ITGB8: variants seen among roughly 807,000 people sequenced by gnomAD.
ITGB8 encodes integrin beta-8.
In ITGB8, 30 loss-of-function variants were observed where a neutral mutation model predicts 89.5. The observed-to-expected ratio is 0.34, with a 90% CI of 0.25 to 0.45. The LOEUF (loss-of-function observed/expected upper bound fraction) is 0.45, where lower values mean the gene tolerates loss of function less well. ITGB8 is among the 20% of genes least tolerant of loss of function. The pLI is 1.00. For missense variants in ITGB8, 836 were observed against 933.3 expected (o/e 0.90, Z 1.36); for synonymous variants, 335 against 320.4 (o/e 1.05, Z -0.49).
At chr7:20,380,568 T>G in intron 4 of ITGB8, 98 bp from the exon 5 acceptor site, 1 of 944,428 alleles carries the variant, frequency 1.1e-6, no homozygotes, top group South Asian at 1.5e-5. Context: ...ACAAAAGAAG[T>G]ACTCCCTTTT....
intron 3 of ITGB8, among the ~76,000 whole-genome samples, chr7:20,373,478 G>A (rs976455569): frequency 5.3e-5 from 8 of 152,124 alleles, no homozygotes; most frequent in African/African-American, 1.9e-4. Flanking sequence ...TTAAGAAAAT[G>A]TTTCAAACTT....
Position 20,406,067 on chromosome 7 carries a change from G to T in ITGB8, c.1919G>T (p.Cys640Phe), listed in dbSNP as rs1787528874. Residue 640 changes from cysteine to phenylalanine, a missense_variant, in exon 12 of 14, where the codon TGT (cysteine) becomes TTT (phenylalanine). Cys to Phe is a radical substitution (Grantham distance 205). Coordinates refer to ENST00000222573, the MANE Select transcript of ITGB8 (RefSeq NM_002214.3). ...CYTACKENWNCMQCLHPHNLS... is the reference protein window; with the variant it reads ...CYTACKENWNFMQCLHPHNLS... ...ACTTCTGTTTCCCCTTGCAGGAATTGTATGCAATGCCTTCACCCTCACAAT... is the reference window on the plus strand; with the variant it reads ...ACTTCTGTTTCCCCTTGCAGGAATTTTATGCAATGCCTTCACCCTCACAAT... The T allele has an allele frequency of 6.3e-7, 1 of 1,587,954 alleles. No homozygotes were observed. Among genetic ancestry groups the T allele is most frequent in the Non-Finnish European group, 8.6e-7 (1 of 1,156,554 alleles).
chr7:20,404,573 T>A, intron 10 of ITGB8, 55 bp from the exon 11 acceptor site: 1 of 1,477,498 alleles, frequency 6.8e-7, no homozygotes, highest in Non-Finnish European at 9.3e-7. Flanking sequence ...GGTTGAAAAC[T>A]CTTTACAAAG....
At chr7:20,405,810 T>A (rs989910313) in intron 11 of ITGB8, among the ~76,000 whole-genome samples, 1 of 152,208 alleles carries the variant, frequency 6.6e-6, no homozygotes, top group Non-Finnish European at 1.5e-5. Context: ...GTTTGTTTTA[T>A]TCAACATTTT....
rs971067638 is a variant in ITGB8, at chr7:20,401,610, G to A, written c.1282-111G>A. The stretch of plus-strand genomic sequence containing the variant: ...TACATGTGTTTCTTTTACAAATATC[G>A]TTAATTTCTCTAAGATGGTTTCTTA... On this transcript the variant is annotated intron_variant, in intron 9 of 13. Transcript: ENST00000222573. 21 of 612,268 alleles carry A rather than the reference G, an allele frequency of 3.4e-5. No individual in the cohort carries two copies. The South Asian group carries it at 4.4e-4, about 13-fold the overall frequency. The allele number at this position is 612,268 out of a possible 1,614,324, so 37.9% of individuals were successfully genotyped here. A position where few individuals can be genotyped will look rare whatever the true frequency, so the allele number is the denominator to read the frequency against.
At chr7:20,371,271 A>T (rs1193962391) in intron 3 of ITGB8, among the ~76,000 whole-genome samples, 2 of 152,200 alleles carry the variant, frequency 1.3e-5, no homozygotes, top group African/African-American at 4.8e-5. Context: ...CATAAATATG[A>T]TTACATTTTT....
At chr7:20,343,460 T>C (rs1784827854) in intron 1 of ITGB8, among the ~76,000 whole-genome samples, 1 of 152,204 alleles carries the variant, frequency 6.6e-6, no homozygotes, top group South Asian at 2.1e-4. Flanking sequence ...ATAGCACTCT[T>C]GTTAAGTTCT....
In ITGB8 at chr7:20,340,299, G is replaced by A. The variant is rs560322635; in HGVS notation, c.127+8366G>A. On this transcript the variant is annotated intron_variant, in intron 1 of 13. Coordinates refer to ENST00000222573, the MANE Select transcript of ITGB8 (RefSeq NM_002214.3). ...GGATTGCCAAAAAATTCACAGTCTC[G>A]TGATAGTACAGGGTAAGAAAGCAGA... Among the ~76,000 whole-genome samples, 331 of 152,302 alleles carry A rather than the reference G, an allele frequency of 2.2e-3. 3 individuals are homozygous for A. The highest frequency in any genetic ancestry group is 3.1e-3 in the Non-Finnish European group (208 of 68,018).
rs748383077 is a variant in ITGB8, at chr7:20,331,872, T to G, written c.66T>G (p.Gly22=). 1 of 1,614,002 alleles carries G rather than the reference T, an allele frequency of 6.2e-7. No homozygotes were observed. The highest frequency in any genetic ancestry group is 8.5e-7 in the Non-Finnish European group (1 of 1,180,020). ...TCTGCCTGCAAAACGACCGGCGAGG[T>G]CCCGCCTCGTTCCTCTGGGCAGCCT... The part of the protein sequence containing the change: ...AFVCLQNDRR[G]PASFLWAAWV... The change falls in exon 1 of 14, where the codon GGT becomes GGG. Residue 22 remains glycine, a synonymous_variant. Coordinates refer to ENST00000222573, the MANE Select transcript of ITGB8 (RefSeq NM_002214.3).
chr7:20,386,402 CTAA>C (rs1195613648), intron 6 of ITGB8, among the ~76,000 whole-genome samples: 1 of 122,054 alleles, frequency 8.2e-6, no homozygotes, highest in African/African-American at 3.4e-5. Context: ...CCACACCTGG[CTAA>C]TTTTTTTTTT....
rs767099203 is a variant in ITGB8, at chr7:20,409,756, A to G, written c.2165A>G (p.Tyr722Cys). 6.2e-7 allele frequency: 1 copy of G among 1,613,170 alleles called. No individual in the cohort carries two copies. Among genetic ancestry groups the G allele is most frequent in the Non-Finnish European group, 8.5e-7 (1 of 1,179,500 alleles). The change falls in exon 13 of 14, where the codon TAC (tyrosine) becomes TGC (cysteine). Residue 722 changes from tyrosine to cysteine, a missense_variant. Physicochemically the swap from Tyr to Cys is radical, Grantham distance 194. Coordinates refer to ENST00000222573, the MANE Select transcript of ITGB8 (RefSeq NM_002214.3). ...AATAAAATTAAGTCCTCATCAGATTACAGAGTGTCAGCCTCAAAAAAGGTC... is the reference window on the plus strand; with the variant it reads ...AATAAAATTAAGTCCTCATCAGATTGCAGAGTGTCAGCCTCAAAAAAGGTC... The part of the protein sequence containing the change: ...NSNKIKSSSD[Y>C]RVSASKKDKL...
At chr7:20,360,655 G>C (rs1293058091) in intron 1 of ITGB8, among the ~76,000 whole-genome samples, 2 of 124,780 alleles carry the variant, frequency 1.6e-5, no homozygotes, top group Non-Finnish European at 3.3e-5. Flanking sequence ...TTCCATCCAA[G>C]TTGCTGCAAA....
intron 6 of ITGB8, among the ~76,000 whole-genome samples, 172 bp from the exon 7 acceptor site, chr7:20,391,231 T>C (rs1044459600): frequency 6.6e-5 from 10 of 152,092 alleles, no homozygotes; most frequent in Non-Finnish European, 1.0e-4. Context: ...TAAAATATTT[T>C]AATACATGGA....
At chr7:20,334,840 C>T (rs375751760) in intron 1 of ITGB8, among the ~76,000 whole-genome samples, 9 of 152,158 alleles carry the variant, frequency 5.9e-5, no homozygotes, top group African/African-American at 2.2e-4. Flanking sequence ...TCCTGTGCCC[C>T]AAAATAACTT....
At chr7:20,341,693 C>T (rs1784760269) in intron 1 of ITGB8, among the ~76,000 whole-genome samples, 1 of 152,134 alleles carries the variant, frequency 6.6e-6, no homozygotes, top group African/African-American at 2.4e-5. Context: ...TGGGCCCACC[C>T]ACCCTTTTAG....
intron 5 of ITGB8, chr7:20,381,464 T>C (rs917596531): frequency 7.2e-6 from 2 of 277,072 alleles, no homozygotes; most frequent in Non-Finnish European, 6.7e-6. Context: ...GCCTGGCCTC[T>C]CCTACTTTTT....
rs1787846346 is a variant in ITGB8 at position 20,413,848 on chromosome 7, A to G, written c.*3851A>G. Reference sequence around the variant, plus strand: ...AATCATGTGCAGATTGCATTCTGTTATGTTGACTCAATATTTAATTTACAA... The same window carrying G: ...AATCATGTGCAGATTGCATTCTGTTGTGTTGACTCAATATTTAATTTACAA... On this transcript the variant is annotated 3_prime_UTR_variant, in exon 14 of 14. Coordinates refer to ENST00000222573, the MANE Select transcript of ITGB8 (RefSeq NM_002214.3). 1 of 152,124 alleles carries G rather than the reference A, an allele frequency of 6.6e-6. No individual in the cohort carries two copies. Among genetic ancestry groups the G allele is most frequent in the Non-Finnish European group, 1.5e-5 (1 of 67,952 alleles). 9.4% of individuals were successfully genotyped at this position (152,124 alleles called of 1,614,324 possible).
At chr7:20,399,152 C>T (rs1429029815) in intron 9 of ITGB8, 158 bp downstream of exon 9, 2 of 711,936 alleles carry the variant, frequency 2.8e-6, no homozygotes, top group Non-Finnish European at 4.5e-6. Flanking sequence ...CCTCAAAGTT[C>T]CTACTTGTTT....
At chr7:20,382,431 G>T (rs17365306) in intron 6 of ITGB8, among the ~76,000 whole-genome samples, 28,652 of 152,098 alleles carry the variant, frequency 0.19, 3,414 homozygotes, top group Non-Finnish European at 0.26. Context: ...CTTCCTGAGG[G>T]TTAGTATAAG....
Sources: gnomAD v4.1 joint callset for allele counts (sites outside exome capture counted in the v4.1 genomes callset) on GRCh38, gnomAD v4.1.1 for gene constraint, MANE v1.5 for transcripts, NCBI Gene and HGNC (gene_info 2026-07-23, HGNC 2026-07-21) for gene names.